MIR2052HG: variants seen among roughly 807,000 people sequenced by gnomAD.
MIR2052HG encodes MIR2052 host gene.
chr8:74,735,008 G>A (rs1809731822), intron 4 of MIR2052HG, among the ~76,000 whole-genome samples: 2 of 152,112 alleles, frequency 1.3e-5, no homozygotes, highest in South Asian at 4.1e-4. Flanking sequence ...GGACCATAAA[G>A]CCATTTGTAT....
At chr8:74,668,346 C>A (rs1325641970) in intron 2 of MIR2052HG, among the ~76,000 whole-genome samples, 1 of 152,060 alleles carries the variant, frequency 6.6e-6, no homozygotes, top group East Asian at 1.9e-4. Context: ...ACATTTTATA[C>A]TGTCTGCTCA....
At chr8:74,628,933 G>A (rs1017863294) in intron 2 of MIR2052HG, 4 of 152,032 alleles carry the variant, frequency 2.6e-5, no homozygotes, top group Non-Finnish European at 5.9e-5. Context: ...ATAGACAGGA[G>A]CTCCATGGTT....
chr8:74,631,768 T>A (rs1808514916), intron 2 of MIR2052HG, among the ~76,000 whole-genome samples: 1 of 152,154 alleles, frequency 6.6e-6, no homozygotes, highest in South Asian at 2.1e-4. Context: ...CACCAGCAGA[T>A]TCAGTGTCTG....
At chr8:74,687,740 T>A (rs141653187) in intron 2 of MIR2052HG, among the ~76,000 whole-genome samples, 13 of 152,192 alleles carry the variant, frequency 8.5e-5, no homozygotes, top group African/African-American at 3.1e-4. Flanking sequence ...GATAAAGAAG[T>A]TATAGAGATC....
rs576873575 is a variant in MIR2052HG, at chr8:74,706,727, A to G, written n.371+3045A>G. Among the ~76,000 whole-genome samples the G allele has an allele frequency of 6.6e-5, 10 of 152,280 alleles. No individual in the cohort carries two copies. The South Asian group carries it at 2.1e-3, about 32-fold the overall frequency. On this transcript the variant is annotated intron_variant and non_coding_transcript_variant, in intron 4 of 6. Coordinates refer to ENST00000523442, the Ensembl canonical transcript of MIR2052HG. Reference sequence around the variant, plus strand: ...TCCATGCTTAACCAATTGTAAAAATAAGAAAACCTGAAAACAATTACTAAT... The same window carrying G: ...TCCATGCTTAACCAATTGTAAAAATGAGAAAACCTGAAAACAATTACTAAT...
intron 2 of MIR2052HG, among the ~76,000 whole-genome samples, chr8:74,665,385 C>T (rs915598888): frequency 9.8e-5 from 15 of 152,302 alleles, no homozygotes; most frequent in Admixed American, 9.2e-4. Context: ...CTTGCTGGCT[C>T]CATGTATTCA....
intron 1 of MIR2052HG, chr8:74,603,273 T>C: frequency 6.5e-7 from 1 of 1,530,882 alleles, no homozygotes; most frequent in South Asian, 1.1e-5. Flanking sequence ...GGATTGTGGA[T>C]AAATCTGCAT....
chr8:74,602,849 C>A, intron 1 of MIR2052HG, among the ~76,000 whole-genome samples: 1 of 142,846 alleles, frequency 7.0e-6, no homozygotes, highest in African/African-American at 2.7e-5. Flanking sequence ...TTCTTTCTTT[C>A]TTTCTTTCTT....
At chr8:74,623,261 T>G (rs1040988280) in intron 2 of MIR2052HG, among the ~76,000 whole-genome samples, 6 of 152,230 alleles carry the variant, frequency 3.9e-5, no homozygotes, top group Non-Finnish European at 1.5e-5. Context: ...TAAATATATA[T>G]CATTTTTATT....
intron 4 of MIR2052HG, among the ~76,000 whole-genome samples, chr8:74,739,224 T>G (rs1483661610): frequency 6.6e-6 from 1 of 152,224 alleles, no homozygotes; most frequent in East Asian, 1.9e-4. Context: ...TTGTGTTTAA[T>G]AAAATGGTGA....
At chr8:74,718,027 AT>A (rs1809538052) in intron 4 of MIR2052HG, among the ~76,000 whole-genome samples, 1 of 152,152 alleles carries the variant, frequency 6.6e-6, no homozygotes, top group South Asian at 2.1e-4. Context: ...TAAGGTAAAC[AT>A]TTTTGTTAAG....
At chr8:74,753,334 G>T (rs182479536) in intron 5 of MIR2052HG, among the ~76,000 whole-genome samples, 1 of 152,202 alleles carries the variant, frequency 6.6e-6, no homozygotes, top group Admixed American at 6.5e-5. Flanking sequence ...TGTTAAATTA[G>T]ATTTTTATTT....
At chr8:74,680,443 C>T (rs1163068109) in intron 2 of MIR2052HG, among the ~76,000 whole-genome samples, 1 of 151,994 alleles carries the variant, frequency 6.6e-6, no homozygotes, top group Non-Finnish European at 1.5e-5. Context: ...ATTTATGCAG[C>T]CAAAAAACAC....
chr8:74,696,686 G>C (rs1809299662), intron 2 of MIR2052HG, among the ~76,000 whole-genome samples: 1 of 151,746 alleles, frequency 6.6e-6, no homozygotes, highest in Non-Finnish European at 1.5e-5. Context: ...GCCTACTATG[G>C]ACACCTCTAA....
At chr8:74,702,382 A>G (rs2162147) in exon 3 of MIR2052HG, 116,704 of 451,764 alleles carry the variant, frequency 0.26, 17,755 homozygotes, top group East Asian at 0.66. Flanking sequence ...TTGCCAGCTG[A>G]AGCTATGCCA....
intron 2 of MIR2052HG, among the ~76,000 whole-genome samples, chr8:74,645,133 G>A (rs1373229279): frequency 1.3e-5 from 2 of 151,950 alleles, no homozygotes; most frequent in Admixed American, 6.6e-5. Context: ...ATGTACTATG[G>A]GGTGGAAAAT....
In MIR2052HG at chr8:74,742,522, A is replaced by T. The variant is rs112961614; in HGVS notation, n.372-9919A>T. On this transcript the variant is annotated intron_variant and non_coding_transcript_variant, in intron 4 of 6. Transcript: ENST00000523442. ...GATCTTTGGATAAATGATGCCTATA[A>T]TTAGGTGACAAATGTATCTCTGAGT... Among the ~76,000 whole-genome samples, 24 of 152,294 alleles carry T rather than the reference A, an allele frequency of 1.6e-4. 3 individuals carry two copies. Among genetic ancestry groups the T allele is most frequent in the African/African-American group, 5.5e-4 (23 of 41,572 alleles).
At chr8:74,713,040 C>T (rs958362837) in intron 4 of MIR2052HG, among the ~76,000 whole-genome samples, 14 of 151,896 alleles carry the variant, frequency 9.2e-5, no homozygotes, top group African/African-American at 3.1e-4. Context: ...CAGAGGAGGC[C>T]GTGGTTAAAG....
chr8:74,690,439 G>A (rs944140125), intron 2 of MIR2052HG, among the ~76,000 whole-genome samples: 3 of 151,942 alleles, frequency 2.0e-5, no homozygotes, highest in East Asian at 1.9e-4. Flanking sequence ...ATTGATTGTA[G>A]GATTAAAGAG....
Sources: allele counts gnomAD v4.1 joint callset (sites outside exome capture counted in the v4.1 genomes callset), GRCh38; gene constraint gnomAD v4.1.1; transcripts MANE v1.5; gene names NCBI Gene and HGNC (gene_info 2026-07-23, HGNC 2026-07-21).